ANK2: variants seen among roughly 807,000 people sequenced by gnomAD.
ANK2 encodes ankyrin-2.
Under a neutral mutation model 360.5 loss-of-function variants are expected in ANK2, and 83 were observed. The ratio of observed to expected loss-of-function variants is 0.23; its 90% CI spans 0.19 to 0.28. The LOEUF (loss-of-function observed/expected upper bound fraction) is 0.28. Among genes scored for constraint, ANK2 ranks in the 10% least tolerant of loss-of-function variants. ANK2 has a pLI of 1.00. For synonymous variants in ANK2, 1,740 were observed against 1,759.5 expected, an observed-to-expected ratio of 0.99 and a Z score of 0.28; for missense variants, 4,201 against 4,795.7, an observed-to-expected ratio of 0.88 and a Z score of 3.66.
intron 14 of ANK2, among the ~76,000 whole-genome samples, chr4:113,268,400 C>T (rs1197142813): frequency 6.6e-6 from 1 of 152,114 alleles, no homozygotes; most frequent in Non-Finnish European, 1.5e-5. Flanking sequence ...TCATAAATGG[C>T]TCTTACTATT....
At chr4:113,084,470 A>G (rs965499026) in intron 1 of ANK2, among the ~76,000 whole-genome samples, 1 of 152,242 alleles carries the variant, frequency 6.6e-6, no homozygotes, top group East Asian at 1.9e-4. Flanking sequence ...TAAATCCATA[A>G]TTGAATACAT....
At chr4:113,025,820 G>T (rs1413732591) in intron 2 of ANK2, among the ~76,000 whole-genome samples, 8 of 152,166 alleles carry the variant, frequency 5.3e-5, no homozygotes, top group Admixed American at 4.6e-4. Flanking sequence ...AGATGTAGAG[G>T]TATGGGTAGT....
chr4:113,152,144 T>C lies in ANK2; in HGVS notation c.85-22272T>C, dbSNP rs78451914. On this transcript the variant is annotated intron_variant, in intron 1 of 45. Coordinates refer to ENST00000357077, the MANE Select transcript of ANK2 (RefSeq NM_001148.6). ...CATTGTAATGTTAAGCATTATCTAT[T>C]TATTTTTTTTATAATGAGGTATATC... is the stretch of plus-strand genomic sequence containing the variant. The C allele has an allele frequency of 8.3e-3, 1,260 of 151,918 alleles. 25 individuals carry two copies. The highest frequency in any genetic ancestry group is 0.044 in the East Asian group (226 of 5,176). The allele number at this position is 151,918 out of a possible 1,614,324, so 9.4% of individuals were successfully genotyped here.
At chr4:113,244,779 C>T (rs1043470378) in intron 9 of ANK2, among the ~76,000 whole-genome samples, 1 of 152,152 alleles carries the variant, frequency 6.6e-6, no homozygotes, top group Non-Finnish European at 1.5e-5. Flanking sequence ...ACCCGTCCCC[C>T]AACAGGCCCC....
At chr4:113,049,638 C>T, upstream of ANK2, 2 of 1,543,550 alleles carry the variant, frequency 1.3e-6, no homozygotes, top group Non-Finnish European at 1.8e-6. Flanking sequence ...CCTCCTCCTC[C>T]TGCTTTCCTC....
intron 2 of ANK2, among the ~76,000 whole-genome samples, chr4:112,932,899 C>T (rs1053128435): frequency 6.6e-6 from 1 of 152,138 alleles, no homozygotes; most frequent in Non-Finnish European, 1.5e-5. Context: ...AATCAACTCC[C>T]TTTCTTCTTT....
intron 39 of ANK2, 106 bp downstream of exon 39, chr4:113,361,003 C>T (rs1052288933): frequency 9.7e-7 from 1 of 1,027,806 alleles, no homozygotes; most frequent in Non-Finnish European, 1.5e-6. Context: ...AGAAAGAATA[C>T]ATGAAAAGAA....
the ANK2 span, among the ~76,000 whole-genome samples, chr4:112,712,553 G>A: frequency 6.6e-6 from 1 of 151,022 alleles, no homozygotes; most frequent in Non-Finnish European, 1.5e-5. Flanking sequence ...GACTACAGGC[G>A]CCTGCCACCA....
At chr4:113,025,932 T>G (rs1354677) in intron 2 of ANK2, among the ~76,000 whole-genome samples, 68 of 152,126 alleles carry the variant, frequency 4.5e-4, no homozygotes, top group African/African-American at 1.5e-3. Flanking sequence ...GTCACTTTCA[T>G]GGGCATTTTA....
At chr4:112,754,925 GA>G in the ANK2 span, among the ~76,000 whole-genome samples, 1 of 152,112 alleles carries the variant, frequency 6.6e-6, no homozygotes, top group African/African-American at 2.4e-5. Context: ...GAAAGATGAA[GA>G]TTTTTTTACT....
chr4:113,166,531 T>C (rs1044402526), intron 1 of ANK2, among the ~76,000 whole-genome samples: 1 of 152,028 alleles, frequency 6.6e-6, no homozygotes, highest in African/African-American at 2.4e-5. Flanking sequence ...AGTTATCAAA[T>C]AGTTATCAAA....
chr4:112,977,318 G>C (rs1333071805), intron 2 of ANK2, among the ~76,000 whole-genome samples: 2 of 151,804 alleles, frequency 1.3e-5, no homozygotes, highest in Non-Finnish European at 2.9e-5. Context: ...ACAATAGCAG[G>C]GTACATTTTT....
chr4:113,339,902 CT>C (rs2094057729), intron 32 of ANK2, among the ~76,000 whole-genome samples: 1 of 152,142 alleles, frequency 6.6e-6, no homozygotes, highest in Non-Finnish European at 1.5e-5. Context: ...GACATTACAA[CT>C]TTGTGACTTA....
intron 2 of ANK2, among the ~76,000 whole-genome samples, chr4:112,978,989 A>G (rs1290737396): frequency 2.0e-5 from 3 of 152,160 alleles, no homozygotes; most frequent in Non-Finnish European, 4.4e-5. Context: ...ATATTTTGCA[A>G]TAGAAATAAT....
chr4:113,327,319 C>A (rs2090487820), intron 26 of ANK2, among the ~76,000 whole-genome samples: 1 of 152,152 alleles, frequency 6.6e-6, no homozygotes, highest in Admixed American at 6.5e-5. Context: ...TGTATTAGGT[C>A]TCTCTATATA....
rs187386338 is a variant in ANK2, at chr4:112,938,309, C to A, written c.21+33795C>A. Among the ~76,000 whole-genome samples the A allele has an allele frequency of 3.6e-4, 55 of 152,276 alleles. 1 individual carries two copies. Among genetic ancestry groups the A allele is most frequent in the Admixed American group, 3.5e-3 (54 of 15,300 alleles). ...GATTAAAGGTGAACTAAAGCTAGGA[C>A]TTGAACACACATCTCTAGATTCCTT... On this transcript the variant is annotated intron_variant, in intron 2 of 30. Coordinates refer to the ANK2 transcript ENST00000503271.
intron 2 of ANK2, among the ~76,000 whole-genome samples, chr4:113,011,160 G>A (rs2054589300): frequency 1.3e-5 from 2 of 152,232 alleles, no homozygotes; most frequent in Non-Finnish European, 2.9e-5. Context: ...ATACAAAACA[G>A]CATAATCAAT....
At chr4:112,810,930 C>CTT in the ANK2 span, among the ~76,000 whole-genome samples, 86 of 137,102 alleles carry the variant, frequency 6.3e-4, no homozygotes, top group South Asian at 2.8e-3. Flanking sequence ...TTCTTTCTTT[C>CTT]TTTTTTTTTT....
At chr4:113,196,509 G>T in intron 3 of ANK2, 43 bp downstream of exon 3, 1 of 1,489,882 alleles carries the variant, frequency 6.7e-7, no homozygotes, top group Non-Finnish European at 9.3e-7. Flanking sequence ...TTAGAAAAGC[G>T]AAAATAATTT....
Sources: gnomAD v4.1 joint callset for allele counts (sites outside exome capture counted in the v4.1 genomes callset) on GRCh38, gnomAD v4.1.1 for gene constraint, MANE v1.5 for transcripts, NCBI Gene and HGNC (gene_info 2026-07-23, HGNC 2026-07-21) for gene names.